The following TM2D1 variants were observed in gnomAD, a reference collection of about 807,000 sequenced individuals.
TM2D1 encodes the protein TM2 domain-containing protein 1.
Under a neutral mutation model 28.4 loss-of-function variants are expected in TM2D1, and 15 were observed. The observed-to-expected ratio is 0.53, with a 90% confidence interval of 0.35 to 0.81. TM2D1 has a LOEUF of 0.81. TM2D1 is among the 40% of genes least tolerant of loss of function. TM2D1 has a pLI of 0.01. For synonymous variants in TM2D1, 93 were observed against 96.2 expected, an observed-to-expected ratio of 0.97 and a Z score of 0.20; for missense variants, 236 against 254.9, an observed-to-expected ratio of 0.93 and a Z score of 0.50.
intron 5 of TM2D1, among the ~76,000 whole-genome samples, chr1:61,690,294 T>C (rs925419043): frequency 7.9e-5 from 12 of 151,700 alleles, no homozygotes; most frequent in African/African-American, 2.7e-4. Context: ...CTGTCTCTAC[T>C]AAAAATACAA....
rs866869779 is a variant in TM2D1, at chr1:61,717,208, A to C, written c.238+6505T>G. Reference sequence around the variant, plus strand: ...CTAAAAATACAAAACAAAACAAAAAAAAAAAAACAATTAGCCGGGCGTGGT... The same window carrying C: ...CTAAAAATACAAAACAAAACAAAAACAAAAAAACAATTAGCCGGGCGTGGT... On this transcript the variant is annotated intron_variant, in intron 2 of 6. Transcript: ENST00000606498. 3.8e-3 allele frequency among the ~76,000 whole-genome samples: 576 copies of C among 151,914 alleles called. 2 individuals are homozygous for C. Among genetic ancestry groups the C allele is most frequent in the African/African-American group, 0.012 (491 of 41,408 alleles).
Position 61,709,286 on chromosome 1 carries a change from T to C in TM2D1, c.347+43A>G, listed in dbSNP as rs774544198. 3 of 1,209,602 alleles carry C rather than the reference T, an allele frequency of 2.5e-6. No individual in the cohort carries two copies. The South Asian group carries it at 3.8e-5, about 15-fold the overall frequency. The allele number at this position is 1,209,602 out of a possible 1,614,324, so 74.9% of individuals were successfully genotyped here. A position where few individuals can be genotyped will look rare whatever the true frequency, so the allele number is the denominator to read the frequency against. Reference sequence around the variant, plus strand: ...CTCTTCATGCAATGAAGATATAATATAGGCAAGTAATCTGAAAATTTAAGT... The same window carrying C: ...CTCTTCATGCAATGAAGATATAATACAGGCAAGTAATCTGAAAATTTAAGT... On this transcript the variant is annotated intron_variant, in intron 3 of 6. Coordinates refer to ENST00000606498, the MANE Select transcript of TM2D1 (RefSeq NM_032027.3).
chr1:61,691,253 T>C (rs1644321583), intron 5 of TM2D1, among the ~76,000 whole-genome samples: 1 of 152,104 alleles, frequency 6.6e-6, no homozygotes, highest in South Asian at 2.1e-4. Context: ...CCCAGCACTT[T>C]GGAAGGCAAA....
chr1:61,697,041 A>C (rs1233274454), intron 4 of TM2D1, among the ~76,000 whole-genome samples: 1 of 152,098 alleles, frequency 6.6e-6, no homozygotes, highest in African/African-American at 2.4e-5. Flanking sequence ...AATGTATCTT[A>C]TCTCGTTTAA....
At chr1:61,713,017 A>G (rs1045774984) in intron 2 of TM2D1, among the ~76,000 whole-genome samples, 1 of 152,024 alleles carries the variant, frequency 6.6e-6, no homozygotes, top group Non-Finnish European at 1.5e-5. Flanking sequence ...TAAAAAGACA[A>G]AAATCAGTGG....
At chr1:61,697,813 T>C (rs1644374792) in intron 4 of TM2D1, 1 of 152,190 alleles carries the variant, frequency 6.6e-6, no homozygotes, top group African/African-American at 2.4e-5. Flanking sequence ...AACTTTTAAA[T>C]ATTATCTCTG....
At chr1:61,692,363 C>G (rs115777483) in intron 5 of TM2D1, among the ~76,000 whole-genome samples, 3 of 151,486 alleles carry the variant, frequency 2.0e-5, no homozygotes, top group Non-Finnish European at 4.4e-5. Flanking sequence ...AATCCATGCC[C>G]GATACGTTTA....
At chr1:61,722,561 G>T (rs1037910998) in intron 2 of TM2D1, among the ~76,000 whole-genome samples, 5 of 152,074 alleles carry the variant, frequency 3.3e-5, no homozygotes, top group African/African-American at 9.7e-5. Context: ...TAGAGACGGG[G>T]TTTCACCATG....
intron 4 of TM2D1, among the ~76,000 whole-genome samples, chr1:61,695,025 T>C (rs867929533): frequency 6.6e-6 from 1 of 152,034 alleles, no homozygotes; most frequent in Non-Finnish European, 1.5e-5. Context: ...AACCTCAATA[T>C]AATCTAATAA....
At chr1:61,724,936 G>C (rs1159371236) in intron 1 of TM2D1, 21 bp downstream of exon 1, 15 of 1,569,914 alleles carry the variant, frequency 9.6e-6, no homozygotes, top group Non-Finnish European at 1.2e-5. Context: ...TCCATGGGGG[G>C]GTGTTCTCCA....
intron 3 of TM2D1, among the ~76,000 whole-genome samples, chr1:61,705,793 T>G (rs200329007): frequency 6.6e-6 from 1 of 151,926 alleles, no homozygotes; most frequent in East Asian, 1.9e-4. Context: ...TTAACCCAAA[T>G]GAAGCAATGA....
rs764118502 is a variant in TM2D1, at chr1:61,725,103, C to G, written c.18G>C (p.Pro6=). The part of the protein sequence containing the change: MAAAW[P]SGPSAPEAVT... The stretch of plus-strand genomic sequence containing the variant: ...CGGCCTCCGGAGCAGACGGACCAGA[C>G]GGCCAGGCGGCCGCCATCTTGGAGA... The change falls in exon 1 of 7, where the codon CCG becomes CCC. Residue 6 remains proline, a synonymous_variant. Transcript: ENST00000606498. 7 of 1,613,442 alleles carry G rather than the reference C, an allele frequency of 4.3e-6. No individual in the cohort carries two copies. Among genetic ancestry groups the G allele is most frequent in the Admixed American group, 3.3e-5 (2 of 60,010 alleles).
At chr1:61,709,475 T>A (rs1484543355) in intron 2 of TM2D1, 38 bp from the exon 3 acceptor site, 2 of 1,443,728 alleles carry the variant, frequency 1.4e-6, no homozygotes, top group Non-Finnish European at 1.9e-6. Flanking sequence ...TTATTTTTTT[T>A]TTCTGGAGAA....
chr1:61,701,050 TC>T, intron 3 of TM2D1, 25 bp from the exon 4 acceptor site: 2 of 1,560,262 alleles, frequency 1.3e-6, no homozygotes, highest in Non-Finnish European at 1.8e-6. Context: ...AATCTGAGTA[TC>T]ATATTTCCAA....
rs1403385530 is a variant in TM2D1, at chr1:61,709,414, T to C, written c.262A>G (p.Ile88Val). The part of the protein sequence containing the change: ...AHVSCFPAPN[I>V]TCKDSSGNET... ...TTGCCACTGGAATCCTTACAAGTTA[T>C]GTTGGGTGCTGGAAAACAGGAAACT... The change falls in exon 3 of 7, where the codon ATA becomes GTA. Residue 88 changes from isoleucine (I) to valine (V), a missense_variant. This residue lies in a region of TM2D1 where 167 missense variants were observed against 162.7 expected (regional missense o/e 1.03). Transcript: ENST00000606498. The C allele has an allele frequency of 1.2e-6, 2 of 1,612,808 alleles. No individual in the cohort carries two copies. Among genetic ancestry groups the C allele is most frequent in the East Asian group, 2.2e-5 (1 of 44,818 alleles).
intron 2 of TM2D1, among the ~76,000 whole-genome samples, chr1:61,713,127 G>A (rs543707752): frequency 2.0e-5 from 3 of 147,966 alleles, no homozygotes; most frequent in Admixed American, 6.9e-5. Flanking sequence ...TTGAGATTGC[G>A]CCACTGCACT....
At chr1:61,682,662 G>A (rs1644253090) in intron 6 of TM2D1, among the ~76,000 whole-genome samples, 1 of 152,038 alleles carries the variant, frequency 6.6e-6, no homozygotes, top group Admixed American at 6.5e-5. Flanking sequence ...CACTCTGGGA[G>A]GCCGAAGCAG....
chr1:61,711,606 C>G (rs1403981026), intron 2 of TM2D1, among the ~76,000 whole-genome samples: 1 of 144,564 alleles, frequency 6.9e-6, no homozygotes, highest in Non-Finnish European at 1.5e-5. Context: ...CCAGCCTGGG[C>G]AACAGAGTGA....
chr1:61,709,489 G>T, intron 2 of TM2D1, 52 bp from the exon 3 acceptor site: 2 of 1,263,804 alleles, frequency 1.6e-6, no homozygotes, highest in Non-Finnish European at 2.3e-6. Flanking sequence ...TGGAGAAACA[G>T]TATGTAATTG....
Sources: allele counts gnomAD v4.1 joint callset (sites outside exome capture counted in the v4.1 genomes callset), GRCh38; gene constraint gnomAD v4.1.1; regional missense constraint gnomAD v4.1.1; transcripts MANE v1.5; gene names NCBI Gene and HGNC (gene_info 2026-07-23, HGNC 2026-07-21).